Variants in KIAA1671 observed in about 807,000 individuals in gnomAD.
KIAA1671 encodes uncharacterized protein KIAA1671.
Under a neutral mutation model 131.2 loss-of-function variants are expected in KIAA1671, and 52 were observed. That is an observed-to-expected ratio of 0.40 (90% CI 0.32 to 0.50). KIAA1671 has a LOEUF of 0.50. Among genes scored for constraint, KIAA1671 ranks in the 20% least tolerant of loss-of-function variants. KIAA1671 has a pLI of 0.73. For synonymous variants in KIAA1671, 1,003 were observed against 961.6 expected, an observed-to-expected ratio of 1.04 and a Z score of -0.80; for missense variants, 2,360 against 2,364.2, an observed-to-expected ratio of 1.00 and a Z score of 0.04.
chr22:25,009,208 G>T (rs1364260501), intron 1 of KIAA1671, among the ~76,000 whole-genome samples: 8 of 151,306 alleles, frequency 5.3e-5, no homozygotes, highest in Non-Finnish European at 1.2e-4. Flanking sequence ...TGGCTTAAGG[G>T]GATGTTGTTT....
intron 5 of KIAA1671, among the ~76,000 whole-genome samples, chr22:25,045,170 A>G (rs1927155240): frequency 6.8e-6 from 1 of 146,232 alleles, no homozygotes; most frequent in African/African-American, 2.4e-5. Flanking sequence ...CAAAGAAAAA[A>G]AAAAATTTTG....
At chr22:25,130,252 C>T (rs904059827) in intron 6 of KIAA1671, among the ~76,000 whole-genome samples, 1 of 152,096 alleles carries the variant, frequency 6.6e-6, no homozygotes, top group Non-Finnish European at 1.5e-5. Flanking sequence ...TTGACAAATG[C>T]ACATACCCGT....
At chr22:24,974,480 G>C (rs1029503214) in intron 1 of KIAA1671, among the ~76,000 whole-genome samples, 28 of 152,018 alleles carry the variant, frequency 1.8e-4, no homozygotes, top group African/African-American at 5.1e-4. Context: ...GCTAGGAGGT[G>C]GTGGAGCTGG....
intron 6 of KIAA1671, among the ~76,000 whole-genome samples, chr22:25,085,114 CA>C (rs1288367092): frequency 6.6e-6 from 1 of 152,234 alleles, no homozygotes; most frequent in Non-Finnish European, 1.5e-5. Context: ...TAGCCACATT[CA>C]AAATCACTGC....
intron 1 of KIAA1671, among the ~76,000 whole-genome samples, chr22:24,974,841 C>T (rs1039474044): frequency 6.6e-6 from 1 of 151,870 alleles, no homozygotes; most frequent in Non-Finnish European, 1.5e-5. Context: ...TACAAGTGCA[C>T]GCCATCCTCG....
Position 24,981,813 on chromosome 22 carries a change from TGGA to T in KIAA1671, c.-208+29045_-208+29047del, listed in dbSNP as rs1176803760. ...GTTCCAGCTACTTGGGAGACCAAGG[TGGA>T]GGACTGCTTGAGCCTGGGAGGTTGA... On this transcript the variant is annotated intron_variant, in intron 1 of 12. Transcript: ENST00000358431. Among the ~76,000 whole-genome samples the T allele has an allele frequency of 4.6e-5, 7 of 152,252 alleles. No individual in the cohort carries two copies. The East Asian group carries it at 1.4e-3, about 29-fold the overall frequency.
chr22:25,130,174 C>A (rs1439955247), intron 6 of KIAA1671, among the ~76,000 whole-genome samples: 1 of 151,340 alleles, frequency 6.6e-6, no homozygotes, highest in African/African-American at 2.5e-5. Context: ...AACTGTTATA[C>A]ATAAATATTT....
Position 25,038,863 on chromosome 22 carries a change from C to G in KIAA1671, c.1733C>G (p.Ser578Cys). Reference protein sequence around the residue: ...KSRQTEQKVSSNQDPDSCRGG... With the variant: ...KSRQTEQKVSCNQDPDSCRGG... ...AGGCAGACGGAGCAGAAGGTTAGCT[C>G]TAACCAAGACCCCGACAGCTGTCGC... The change falls in exon 5 of 13, where the codon TCT becomes TGT. Residue 578 changes from serine (S) to cysteine (C), a missense_variant. Coordinates refer to ENST00000358431, the MANE Select transcript of KIAA1671 (RefSeq NM_001145206.2). 6.4e-7 allele frequency: 1 copy of G among 1,551,778 alleles called. No homozygotes were observed. Among genetic ancestry groups the G allele is most frequent in the Non-Finnish European group, 8.7e-7 (1 of 1,147,016 alleles).
intron 1 of KIAA1671, among the ~76,000 whole-genome samples, chr22:24,988,337 T>G (rs1381138429): frequency 1.3e-5 from 2 of 151,492 alleles, no homozygotes; most frequent in Non-Finnish European, 2.9e-5. Context: ...CTGGGAGCAC[T>G]TGTTATTTTT....
In KIAA1671 at chr22:25,040,868, A is replaced by G. The variant is rs1422964435; in HGVS notation, c.3738A>G (p.Arg1246=). ...TTCAGCTGGGCGGGGTGGAGCAGAG[A>G]AGGAGGAGCCTGAAGGAGATGCCCG... The part of the protein sequence containing the change: ...RPVQLGGVEQ[R]RRSLKEMPDT... Residue 1246 remains arginine (R), a synonymous_variant, in exon 5 of 13, where the codon AGA becomes AGG. Transcript: ENST00000358431. 2 of 1,543,846 alleles carry G rather than the reference A, an allele frequency of 1.3e-6. No individual in the cohort carries two copies. Among genetic ancestry groups the G allele is most frequent in the East Asian group, 2.5e-5 (1 of 40,786 alleles).
chr22:25,134,625 A>G (rs958949889), intron 6 of KIAA1671, among the ~76,000 whole-genome samples: 1 of 152,294 alleles, frequency 6.6e-6, no homozygotes, highest in African/African-American at 2.4e-5. Flanking sequence ...GAAATGAGCA[A>G]TAAAGCTCAG....
At chr22:25,181,943 C>G in intron 10 of KIAA1671, 120 bp downstream of exon 10, 1 of 1,091,094 alleles carries the variant, frequency 9.2e-7, no homozygotes, top group Non-Finnish European at 1.3e-6. Context: ...TTTGGGAGGC[C>G]GAGTTGGGCG....
At chr22:25,099,537 GTTTTTTTGTTTTTTTTT>G (rs1430607790) in intron 6 of KIAA1671, among the ~76,000 whole-genome samples, 4 of 112,112 alleles carry the variant, frequency 3.6e-5, no homozygotes, top group East Asian at 3.1e-4. Flanking sequence ...CAAAATGTGG[GTTTTTTTGTTTTTTTTT>G]TTTTTTTTTT....
chr22:24,968,410 C>A (rs1922415784), intron 1 of KIAA1671, among the ~76,000 whole-genome samples: 1 of 152,126 alleles, frequency 6.6e-6, no homozygotes, highest in Admixed American at 6.5e-5. Context: ...GCTGTGAATC[C>A]AGCTGCAGCC....
At chr22:25,156,906 C>T (rs1325487637) in intron 6 of KIAA1671, among the ~76,000 whole-genome samples, 8 of 152,186 alleles carry the variant, frequency 5.3e-5, no homozygotes, top group African/African-American at 1.2e-4. Context: ...ACACACCCAG[C>T]GCCCTGCCTC....
chr22:25,039,491 A>T lies in KIAA1671; in HGVS notation c.2361A>T (p.Glu787Asp). 1.3e-6 allele frequency: 2 copies of T among 1,551,818 alleles called. No individual in the cohort carries two copies. Among genetic ancestry groups the T allele is most frequent in the Non-Finnish European group, 1.7e-6 (2 of 1,147,008 alleles). The change falls in exon 5 of 13, where the codon GAA (glutamate) becomes GAT (aspartate). Residue 787 changes from glutamate (E) to aspartate (D), a missense_variant. Around this residue, in one of 3 missense-constraint regions of KIAA1671, gnomAD observed 1,185 missense variants for 1,126.2 expected, o/e 1.05. Transcript: ENST00000358431. ...CTGCTGACCTGGAGTGTGGTTTGGAAGGTCAGGCGGGGTCCGTCCAAAGGG... is the reference window on the plus strand; with the variant it reads ...CTGCTGACCTGGAGTGTGGTTTGGATGGTCAGGCGGGGTCCGTCCAAAGGG... ...VTPADLECGLEGQAGSVQRAS... is the reference protein window; with the variant it reads ...VTPADLECGLDGQAGSVQRAS...
intron 6 of KIAA1671, among the ~76,000 whole-genome samples, chr22:25,067,210 C>T (rs1027185655): frequency 6.6e-6 from 1 of 152,064 alleles, no homozygotes; most frequent in Non-Finnish European, 1.5e-5. Flanking sequence ...GCTCCCCTCC[C>T]CACACCCCCC....
intron 1 of KIAA1671, among the ~76,000 whole-genome samples, chr22:24,985,001 G>C (rs1040307879): frequency 6.7e-6 from 1 of 149,482 alleles, no homozygotes; most frequent in East Asian, 2.0e-4. Context: ...GGTTGTTATA[G>C]TATCCTAGGC....
At chr22:25,001,845 G>GA (rs1453852627) in intron 1 of KIAA1671, among the ~76,000 whole-genome samples, 2 of 152,104 alleles carry the variant, frequency 1.3e-5, no homozygotes, top group African/African-American at 4.8e-5. Flanking sequence ...GTAGCTGGGA[G>GA]AACCTGCATT....
Sources: gnomAD v4.1 joint callset for allele counts (sites outside exome capture counted in the v4.1 genomes callset) on GRCh38, gnomAD v4.1.1 for gene constraint, gnomAD v4.1.1 regional missense constraint, MANE v1.5 for transcripts, NCBI Gene and HGNC (gene_info 2026-07-23, HGNC 2026-07-21) for gene names.